ZDBF2: variants seen among roughly 807,000 people sequenced by gnomAD.
ZDBF2 encodes the protein zinc finger DBF-type containing 2.
A neutral mutation model predicts 9.4 loss-of-function variants in ZDBF2; 6 were observed. That is an observed-to-expected ratio of 0.64 (90% CI 0.35 to 1.27). ZDBF2 has a LOEUF of 1.27. Ranked by LOEUF, ZDBF2 falls within the 50% of genes most tolerant of loss-of-function variation. The pLI is 0.03. For synonymous variants in ZDBF2, 905 were observed against 946.3 expected, an observed-to-expected ratio of 0.96 and a Z score of 0.80; for missense variants, 2,697 against 2,766.8, an observed-to-expected ratio of 0.97 and a Z score of 0.57.
rs193182635 is a variant in ZDBF2 at position 206,298,341 on chromosome 2, G to T, written c.188+968G>T. 2.4e-4 allele frequency among the ~76,000 whole-genome samples: 36 copies of T among 152,296 alleles called. 1 individual carries two copies. In the East Asian group the frequency reaches 4.2e-3, roughly 18 times the overall value. On this transcript the variant is annotated intron_variant, in intron 4 of 4. Coordinates refer to ENST00000374423, the MANE Select transcript of ZDBF2 (RefSeq NM_020923.3). ...GCACATCTGTGCAGTTAACTGAGATGTGCACCAGTTAGTAGAAAAAGGGAT... is the reference window on the plus strand; with the variant it reads ...GCACATCTGTGCAGTTAACTGAGATTTGCACCAGTTAGTAGAAAAAGGGAT...
At position 206,308,358 on chromosome 2, in the gene ZDBF2, T is replaced by C. The variant is rs1210451674; in HGVS notation, c.3830T>C (p.Ile1277Thr). The change falls in exon 5 of 5, where the codon ATT becomes ACT. Residue 1277 changes from isoleucine to threonine, a missense_variant. Physicochemically the swap from Ile to Thr is moderately conservative, Grantham distance 89. Coordinates refer to ENST00000374423, the MANE Select transcript of ZDBF2 (RefSeq NM_020923.3). ...WKEHVDLENK[I>T]VKPTDSRINF... ...GAGCATGTTGACTTGGAAAATAAGATTGTCAAACCTACAGATTCCAGAATA... is the reference window on the plus strand; with the variant it reads ...GAGCATGTTGACTTGGAAAATAAGACTGTCAAACCTACAGATTCCAGAATA... 2 of 1,612,916 alleles carry C rather than the reference T, an allele frequency of 1.2e-6. No homozygotes were observed. The highest frequency in any genetic ancestry group is 3.3e-5 in the Admixed American group (2 of 59,804).
chr2:206,290,398 G>T (rs1574392192), intron 3 of ZDBF2, among the ~76,000 whole-genome samples: 1 of 152,264 alleles, frequency 6.6e-6, no homozygotes. Context: ...AAAGCAGCTG[G>T]AATTCTGATA....
chr2:206,309,004 A>G lies in ZDBF2; in HGVS notation c.4476A>G (p.Gln1492=), dbSNP rs936399715. The G allele has an allele frequency of 1.9e-6, 3 of 1,613,770 alleles. No homozygotes were observed. Among genetic ancestry groups the G allele is most frequent in the African/African-American group, 2.7e-5 (2 of 74,938 alleles). Residue 1492 remains glutamine (Q), a synonymous_variant, in exon 5 of 5, where the codon CAA becomes CAG. Transcript: ENST00000374423. The part of the protein sequence containing the change: ...EHVVMEEKTD[Q]PSDSEMMYDS... ...TTGTCATGGAAGAAAAGACCGATCA[A>G]CCTAGTGATTCAGAAATGATGTATG...
chr2:206,308,853 T>C lies in ZDBF2; in HGVS notation c.4325T>C (p.Leu1442Pro), dbSNP rs1692973237. 2 of 1,613,420 alleles carry C rather than the reference T, an allele frequency of 1.2e-6. No homozygotes were observed. The highest frequency in any genetic ancestry group is 2.2e-5 in the East Asian group (1 of 44,870). ...TTGCAAAAGAAGGATCATAATGATC[T>C]AGAAAATAAGAACTGTGAAGTCTGT... ...INLQKKDHNDLENKNCEVCGS... is the reference protein window; with the variant it reads ...INLQKKDHNDPENKNCEVCGS... Residue 1442 changes from leucine (L) to proline (P), a missense_variant, in exon 5 of 5, where the codon CTA becomes CCA. This residue lies in a region of ZDBF2 where 1,783 missense variants were observed against 1,776.5 expected (regional missense o/e 1.00). Transcript: ENST00000374423.
rs754569067 is a variant in ZDBF2, at chr2:206,305,627, G to T, written c.1099G>T (p.Asp367Tyr). ...KCSVSSEMKF[D>Y]CISLQSASDQ... Reference sequence around the variant, plus strand: ...CTCAGTGAGTTCTGAAATGAAGTTTGATTGTATCTCTCTTCAGTCAGCATC... The same window carrying T: ...CTCAGTGAGTTCTGAAATGAAGTTTTATTGTATCTCTCTTCAGTCAGCATC... The change falls in exon 5 of 5, where the codon GAT becomes TAT. Residue 367 changes from aspartate to tyrosine, a missense_variant. Asp to Tyr is a radical substitution (Grantham distance 160). Transcript: ENST00000374423. 1.2e-6 allele frequency: 2 copies of T among 1,613,742 alleles called. No homozygotes were observed. The highest frequency in any genetic ancestry group is 1.1e-5 in the South Asian group (1 of 91,058).
rs753325185 is a variant in ZDBF2 at position 206,309,421 on chromosome 2, C to G, written c.4893C>G (p.Ala1631=). 26 of 1,613,642 alleles carry G rather than the reference C, an allele frequency of 1.6e-5. No homozygotes were observed. The highest frequency in any genetic ancestry group is 2.7e-5 in the African/African-American group (2 of 74,888). Residue 1631 remains alanine, a synonymous_variant, in exon 5 of 5, where the codon GCC becomes GCG. Transcript: ENST00000374423. ...CTGAAATGAATTTTAATGTTGATGCCTCTGATCAGTCCATGACTTACGAGT... is the reference window on the plus strand; with the variant it reads ...CTGAAATGAATTTTAATGTTGATGCGTCTGATCAGTCCATGACTTACGAGT... The part of the protein sequence containing the change: ...CGSEMNFNVD[A]SDQSMTYESQ...
chr2:206,292,467 A>C (rs1380377040), intron 3 of ZDBF2, among the ~76,000 whole-genome samples: 1 of 152,176 alleles, frequency 6.6e-6, no homozygotes, highest in Non-Finnish European at 1.5e-5. Context: ...TATCAGTAAT[A>C]CATTAAGTGA....
Position 206,308,644 on chromosome 2 carries a change from C to T in ZDBF2, c.4116C>T (p.Asp1372=). 1 of 1,612,576 alleles carries T rather than the reference C, an allele frequency of 6.2e-7. No homozygotes were observed. The highest frequency in any genetic ancestry group is 8.5e-7 in the Non-Finnish European group (1 of 1,179,830). ...CTGAAGAAAGTTCTGATTCCAATGA[C>T]TCTTTTCAGGCAGCAGCAGATGAGC... ...YSPEESSDSN[D]SFQAAADELQ... The change falls in exon 5 of 5, where the codon GAC becomes GAT. Residue 1372 remains aspartate, a synonymous_variant. Transcript: ENST00000374423.
chr2:206,304,663 A>G (rs1338725909), intron 4 of ZDBF2, 54 bp from the exon 5 acceptor site: 17 of 1,530,810 alleles, frequency 1.1e-5, no homozygotes, highest in Non-Finnish European at 1.5e-5. Flanking sequence ...CTCTATTTTA[A>G]TATTTTAAAC....
In ZDBF2 at chr2:206,306,587, C is replaced by T. The variant is rs192597586; in HGVS notation, c.2059C>T (p.Arg687Cys). ...ADQSQVAEIE[R>C]QKVDVDLENK... ...CCAGTCTCAAGTAGCCGAAATAGAG[C>T]GTCAGAAAGTGGATGTTGACCTTGA... is the stretch of plus-strand genomic sequence containing the variant. Residue 687 changes from arginine to cysteine, a missense_variant, in exon 5 of 5, where the codon CGT becomes TGT. Physicochemically the swap from Arg to Cys is radical, Grantham distance 180 (BLOSUM62 -3). This residue lies in a region of ZDBF2 where 910 missense variants were observed against 973.6 expected (regional missense o/e 0.93). Transcript: ENST00000374423. 7,301 of 1,613,586 alleles carry T rather than the reference C, an allele frequency of 4.5e-3. 31 individuals carry two copies. The highest frequency in any genetic ancestry group is 9.4e-3 in the South Asian group (860 of 91,060).
chr2:206,299,054 T>C (rs550182033), intron 4 of ZDBF2, among the ~76,000 whole-genome samples: 2 of 151,632 alleles, frequency 1.3e-5, no homozygotes, highest in Non-Finnish European at 2.9e-5. Flanking sequence ...CTAATTTTTG[T>C]ATTTTTAGTA....
chr2:206,310,509 C>A lies in ZDBF2; in HGVS notation c.5981C>A (p.Ala1994Glu). Residue 1994 changes from alanine to glutamate, a missense_variant, in exon 5 of 5, where the codon GCA becomes GAA. Coordinates refer to ENST00000374423, the MANE Select transcript of ZDBF2 (RefSeq NM_020923.3). Reference sequence around the variant, plus strand: ...AAAATTGGGACAGTTGAATTTCCTGCATCATGTACTAAAGTTTTGAAGCCT... The same window carrying A: ...AAAATTGGGACAGTTGAATTTCCTGAATCATGTACTAAAGTTTTGAAGCCT... The part of the protein sequence containing the change: ...KVKIGTVEFP[A>E]SCTKVLKPMQ... The A allele has an allele frequency of 6.2e-7, 1 of 1,613,330 alleles. No individual in the cohort carries two copies.
intron 3 of ZDBF2, among the ~76,000 whole-genome samples, chr2:206,294,327 C>T (rs1019836617): frequency 6.6e-6 from 1 of 152,106 alleles, no homozygotes; most frequent in South Asian, 2.1e-4. Context: ...GTTGATTGAG[C>T]TGTATGCATA....
In ZDBF2 at chr2:206,308,283, C is replaced by T; in HGVS notation, c.3755C>T (p.Pro1252Leu). 1.2e-6 allele frequency: 2 copies of T among 1,613,870 alleles called. No individual in the cohort carries two copies. Among genetic ancestry groups the T allele is most frequent in the East Asian group, 2.2e-5 (1 of 44,882 alleles). Residue 1252 changes from proline to leucine, a missense_variant, in exon 5 of 5, where the codon CCA becomes CTA. Physicochemically the swap from Pro to Leu is moderately conservative, Grantham distance 98 (BLOSUM62 -3). Around this residue, in one of 3 missense-constraint regions of ZDBF2, gnomAD observed 1,783 missense variants for 1,776.5 expected, o/e 1.00. Coordinates refer to ENST00000374423, the MANE Select transcript of ZDBF2 (RefSeq NM_020923.3). Reference sequence around the variant, plus strand: ...ATGTATGATTCTGATGTTCTTCAGCCAGTGGCTGGCCAACCTGAAGAAGTA... The same window carrying T: ...ATGTATGATTCTGATGTTCTTCAGCTAGTGGCTGGCCAACCTGAAGAAGTA... ...EIMYDSDVLQ[P>L]VAGQPEEVVK... is the part of the protein sequence containing the mutation.
chr2:206,275,425 T>C (rs183969966), intron 1 of ZDBF2, among the ~76,000 whole-genome samples: 2,591 of 152,214 alleles, frequency 0.017, 52 homozygotes, highest in African/African-American at 0.043. Context: ...TTTCCCAGCC[T>C]CGGGCGATTA....
chr2:206,304,284 C>A (rs1692650012), intron 4 of ZDBF2, among the ~76,000 whole-genome samples: 1 of 152,124 alleles, frequency 6.6e-6, no homozygotes, highest in Non-Finnish European at 1.5e-5. Context: ...GTGTGCCAAG[C>A]TGTTTCTTTG....
At position 206,308,850 on chromosome 2, in the gene ZDBF2, A is replaced by C. The variant is rs1290818025; in HGVS notation, c.4322A>C (p.Asp1441Ala). 6.2e-7 allele frequency: 1 copy of C among 1,613,508 alleles called. No homozygotes were observed. Among genetic ancestry groups the C allele is most frequent in the East Asian group, 2.2e-5 (1 of 44,878 alleles). Residue 1441 changes from aspartate to alanine, a missense_variant, in exon 5 of 5, where the codon GAT becomes GCT. By Grantham distance (126) the Asp-to-Ala change is moderately radical. Around this residue, in one of 3 missense-constraint regions of ZDBF2, gnomAD observed 1,783 missense variants for 1,776.5 expected, o/e 1.00. Transcript: ENST00000374423. ...AACTTGCAAAAGAAGGATCATAATG[A>C]TCTAGAAAATAAGAACTGTGAAGTC... is the stretch of plus-strand genomic sequence containing the variant. ...EINLQKKDHN[D>A]LENKNCEVCG... is the part of the protein sequence containing the mutation.
Position 206,308,240 on chromosome 2 carries a change from G to A in ZDBF2, c.3712G>A (p.Ala1238Thr), listed in dbSNP as rs781345351. Residue 1238 changes from alanine to threonine, a missense_variant, in exon 5 of 5, where the codon GCT becomes ACT. Ala to Thr is a moderately conservative substitution (Grantham distance 58). Transcript: ENST00000374423. ...EVDTEDRRNE[A>T]KGFEIMYDSD... ...TGACACGGAAGATAGGAGAAATGAA[G>A]CTAAGGGTTTTGAAATTATGTATGA... 15 of 1,613,772 alleles carry A rather than the reference G, an allele frequency of 9.3e-6. No individual in the cohort carries two copies. In the Admixed American group the frequency reaches 2.5e-4, roughly 27 times the overall value.
chr2:206,314,018 C>A lies in ZDBF2; in HGVS notation c.*2425C>A, dbSNP rs1693296896. The A allele has an allele frequency of 6.6e-6, 1 of 152,062 alleles. No homozygotes were observed. The highest frequency in any genetic ancestry group is 2.4e-5 in the African/African-American group (1 of 41,414). 9.4% of individuals were successfully genotyped at this position (152,062 alleles called of 1,614,324 possible). A position where few individuals can be genotyped will look rare whatever the true frequency, so the allele number is the denominator to read the frequency against. ...GCCCCTTTGTCTAAATAAATGTTGG[C>A]TTAATTTGCAGAATAGATAAAACAA... On this transcript the variant is annotated 3_prime_UTR_variant, in exon 5 of 5. Coordinates refer to ENST00000374423, the MANE Select transcript of ZDBF2 (RefSeq NM_020923.3).
Sources: allele counts gnomAD v4.1 joint callset (sites outside exome capture counted in the v4.1 genomes callset), GRCh38; gene constraint gnomAD v4.1.1; regional missense constraint gnomAD v4.1.1; transcripts MANE v1.5; gene names NCBI Gene and HGNC (gene_info 2026-07-23, HGNC 2026-07-21).